NEDD4: variants seen among roughly 807,000 people sequenced by gnomAD.
The protein encoded by NEDD4 is NEDD4 E3 ubiquitin protein ligase, also known as E3 ubiquitin-protein ligase NEDD4.
NEDD4 carries 99 observed loss-of-function variants against 144.9 expected under a neutral mutation model. The ratio of observed to expected loss-of-function variants is 0.68; its 90% CI spans 0.58 to 0.81. The LOEUF (loss-of-function observed/expected upper bound fraction) is 0.81, where lower values mean the gene tolerates loss of function less well. Among genes scored for constraint, NEDD4 ranks in the 30% least tolerant of loss-of-function variants. The probability of loss-of-function intolerance (pLI) is 0.00; values close to 1 mark genes in which losing one functional copy is unlikely to be tolerated. For missense variants in NEDD4, 985 were observed against 1,065.9 expected (o/e 0.92, Z 1.06); for synonymous variants, 318 against 350.6 (o/e 0.91, Z 1.04).
rs1349126358 is a variant in NEDD4 at position 55,837,774 on chromosome 15, A to C, written c.2262+15T>G. On this transcript the variant is annotated intron_variant, in intron 24 of 28. Transcript: ENST00000435532. The stretch of plus-strand genomic sequence containing the variant: ...CTGTGACATTATGGAAGAGCAAATA[A>C]AAGAAAATGAATACCTCTTTAAAAG... 1 of 1,601,854 alleles carries C rather than the reference A, an allele frequency of 6.2e-7. No individual in the cohort carries two copies. Among genetic ancestry groups the C allele is most frequent in the South Asian group, 1.1e-5 (1 of 90,342 alleles).
At chr15:55,937,239 C>T (rs534101809) in intron 4 of NEDD4, among the ~76,000 whole-genome samples, 4 of 152,190 alleles carry the variant, frequency 2.6e-5, no homozygotes, top group South Asian at 4.2e-4. Context: ...TCCATTTGGC[C>T]GAATGCCCAA....
intron 1 of NEDD4, 94 bp downstream of exon 1, chr15:55,993,417 A>AGCCTCCGGTCGTGGCC: frequency 6.8e-7 from 1 of 1,463,900 alleles, no homozygotes; most frequent in Non-Finnish European, 9.3e-7. Flanking sequence ...CTGACAGCAG[A>AGCCTCCGGTCGTGGCC]GCCTCCGGTC....
At chr15:55,831,313 T>G (rs896281772) in intron 27 of NEDD4, among the ~76,000 whole-genome samples, 2 of 152,238 alleles carry the variant, frequency 1.3e-5, no homozygotes, top group Admixed American at 6.5e-5. Context: ...TGACTTTGTA[T>G]TCTAAGAATT....
At chr15:55,915,436 T>C in intron 5 of NEDD4, 1 of 1,613,830 alleles carries the variant, frequency 6.2e-7, no homozygotes, top group Non-Finnish European at 8.5e-7. Context: ...AGACAGGAAA[T>C]ATTTGGATAA....
At chr15:55,858,223 C>T (rs929450353) in intron 11 of NEDD4, among the ~76,000 whole-genome samples, 5 of 151,960 alleles carry the variant, frequency 3.3e-5, no homozygotes, top group Non-Finnish European at 5.9e-5. Context: ...ATATGGTTGC[C>T]ATGTATTACT....
chr15:55,970,009 C>G (rs2037580735), intron 1 of NEDD4, among the ~76,000 whole-genome samples: 1 of 152,146 alleles, frequency 6.6e-6, no homozygotes, highest in South Asian at 2.1e-4. Context: ...TCTAGACCCA[C>G]TCTGGGCCAG....
In NEDD4 at chr15:55,949,940, T is replaced by TA. The variant is rs558272844; in HGVS notation, c.237+1435dup. 7.5e-4 allele frequency among the ~76,000 whole-genome samples: 113 copies of TA among 150,844 alleles called. 2 individuals carry two copies. The East Asian group carries it at 0.017, about 23-fold the overall frequency. ...CGTTGTGCACAGGTACCCTAGAACT[T>TA]AAAGTATAATTAAAAAAAAAAAGAA... On this transcript the variant is annotated intron_variant, in intron 4 of 28. Coordinates refer to ENST00000435532, the MANE Select transcript of NEDD4 (RefSeq NM_006154.4).
At chr15:55,848,253 G>A in intron 17 of NEDD4, 119 bp downstream of exon 17, 1 of 885,628 alleles carries the variant, frequency 1.1e-6, no homozygotes, top group Non-Finnish European at 1.9e-6. Context: ...TGGGGGAGAG[G>A]AGAGAACGGC....
rs1462211915 is a variant in NEDD4 at position 55,934,167 on chromosome 15, T to C, written c.238-9468A>G. On this transcript the variant is annotated intron_variant, in intron 4 of 28. Coordinates refer to ENST00000435532, the MANE Select transcript of NEDD4 (RefSeq NM_006154.4). ...AAACTCTGTCTCAAAATAATAATAA[T>C]AATGATAATTTAAAAAAATTACCCA... Among the ~76,000 whole-genome samples the C allele has an allele frequency of 2.0e-5, 3 of 152,024 alleles. 1 individual carries two copies. The highest frequency in any genetic ancestry group is 4.4e-5 in the Non-Finnish European group (3 of 68,004).
intron 5 of NEDD4, among the ~76,000 whole-genome samples, chr15:55,888,536 A>G (rs796693447): frequency 1.1e-4 from 16 of 152,208 alleles, no homozygotes; most frequent in African/African-American, 3.4e-4. Flanking sequence ...ACCCAAAGCA[A>G]TCTACAGATT....
intron 8 of NEDD4, among the ~76,000 whole-genome samples, chr15:55,868,541 A>G (rs2034665386): frequency 6.6e-6 from 1 of 152,138 alleles, no homozygotes; most frequent in South Asian, 2.1e-4. Flanking sequence ...TGATAGTTTT[A>G]TAAAGGGCAG....
chr15:55,887,996 A>G (rs1272085759), intron 5 of NEDD4, among the ~76,000 whole-genome samples: 2 of 152,206 alleles, frequency 1.3e-5, no homozygotes, highest in African/African-American at 2.4e-5. Context: ...CAACATAACA[A>G]AAGTCATACA....
rs754579935 is a variant in NEDD4 at position 55,841,940 on chromosome 15, G to T, written c.1832C>A (p.Ser611Tyr). 1 of 1,610,688 alleles carries T rather than the reference G, an allele frequency of 6.2e-7. No homozygotes were observed. Among genetic ancestry groups the T allele is most frequent in the Admixed American group, 1.7e-5 (1 of 60,012 alleles). The part of the protein sequence containing the change: ...FNPYYGLFEY[S>Y]ATDNYTLQIN... ...TCATTGTAAAGGTACTTACGTAGCA[G>T]AATATTCAAACAACCCATAATAAGG... Residue 611 changes from serine (S) to tyrosine (Y), a missense_variant, in exon 19 of 29, where the codon TCT becomes TAT. Ser to Tyr is a moderately radical substitution (Grantham distance 144, BLOSUM62 -2). Transcript: ENST00000435532.
intron 2 of NEDD4, among the ~76,000 whole-genome samples, chr15:55,954,215 T>C (rs1409839058): frequency 6.6e-6 from 1 of 152,110 alleles, no homozygotes; most frequent in East Asian, 1.9e-4. Context: ...TTTGAAACAC[T>C]CATCTCATTT....
At chr15:55,869,051 A>G (rs2034683724) in intron 8 of NEDD4, among the ~76,000 whole-genome samples, 1 of 152,084 alleles carries the variant, frequency 6.6e-6, no homozygotes, top group Non-Finnish European at 1.5e-5. Flanking sequence ...CTCTACACAA[A>G]TCTTGACTTG....
intron 2 of NEDD4, among the ~76,000 whole-genome samples, chr15:55,963,428 A>C (rs2037458626): frequency 6.6e-6 from 1 of 152,010 alleles, no homozygotes; most frequent in Admixed American, 6.5e-5. Flanking sequence ...ACTGTTTTTT[A>C]TCTATAATTC....
intron 4 of NEDD4, among the ~76,000 whole-genome samples, chr15:55,941,549 A>T (rs1463199258): frequency 2.6e-5 from 4 of 151,886 alleles, no homozygotes; most frequent in African/African-American, 7.3e-5. Context: ...TGATCAGAGA[A>T]CATACCCTGT....
chr15:55,846,036 C>T (rs1272660554), intron 18 of NEDD4, among the ~76,000 whole-genome samples: 1 of 152,042 alleles, frequency 6.6e-6, no homozygotes, highest in African/African-American at 2.4e-5. Context: ...ATCCACCCAC[C>T]TCGACCTCCC....
chr15:55,922,511 C>T (rs1300797645), intron 5 of NEDD4, among the ~76,000 whole-genome samples: 1 of 152,050 alleles, frequency 6.6e-6, no homozygotes, highest in Non-Finnish European at 1.5e-5. Flanking sequence ...TACAGGTGCC[C>T]ACCATCACGC....
Sources: allele counts gnomAD v4.1 joint callset (sites outside exome capture counted in the v4.1 genomes callset), GRCh38; gene constraint gnomAD v4.1.1; transcripts MANE v1.5; gene names NCBI Gene and HGNC (gene_info 2026-07-23, HGNC 2026-07-21).